The following SLC14A2 variants were observed in gnomAD, a reference collection of about 807,000 sequenced individuals.
SLC14A2 encodes urea transporter 2.
Under a neutral mutation model 104.6 loss-of-function variants are expected in SLC14A2, and 91 were observed. The ratio of observed to expected loss-of-function variants is 0.87; its 90% CI spans 0.73 to 1.04. The LOEUF (loss-of-function observed/expected upper bound fraction) is 1.04. Ranked by LOEUF, SLC14A2 falls within the 50% of genes least tolerant of loss-of-function variation. SLC14A2 has a pLI of 0.00. For synonymous variants in SLC14A2, 476 were observed against 466.4 expected (o/e 1.02, Z -0.27); for missense variants, 1,189 against 1,156.0 (o/e 1.03, Z -0.41).
chr18:45,363,617 G>C (rs2085637158), intron 1 of SLC14A2, among the ~76,000 whole-genome samples: 1 of 152,126 alleles, frequency 6.6e-6, no homozygotes, highest in African/African-American at 2.4e-5. Context: ...AAAAGAAGAG[G>C]GCAGGAAAGT....
intron 5 of SLC14A2, among the ~76,000 whole-genome samples, chr18:45,632,739 G>A (rs1231031305): frequency 2.6e-5 from 4 of 152,136 alleles, no homozygotes; most frequent in African/African-American, 7.2e-5. Flanking sequence ...GTGCAGTGGC[G>A]CAATCTCGGC....
chr18:45,174,742 G>T, the SLC14A2 span, among the ~76,000 whole-genome samples: 1 of 152,098 alleles, frequency 6.6e-6, no homozygotes, highest in Admixed American at 6.6e-5. Flanking sequence ...AGGGTAGCAG[G>T]GGACAGGAGA....
chr18:45,401,108 T>C (rs2086091118), intron 1 of SLC14A2, among the ~76,000 whole-genome samples: 1 of 152,200 alleles, frequency 6.6e-6, no homozygotes, highest in South Asian at 2.1e-4. Flanking sequence ...AAGATCTCAG[T>C]TGACTGAGCT....
upstream of SLC14A2, among the ~76,000 whole-genome samples, chr18:45,209,575 CTT>C (rs2083945658): frequency 6.6e-6 from 1 of 150,816 alleles, no homozygotes; most frequent in Admixed American, 6.6e-5. Flanking sequence ...AGTAAAGAAT[CTT>C]TTAGAATTTG....
rs545096513 is a variant in SLC14A2 at position 45,418,044 on chromosome 18, T to C, written c.-124-65189T>C. ...CTATTCAGGGAAATAGCACCATCCATCTCATGTCACATCCCTGCTCTTGTC... is the reference window on the plus strand; with the variant it reads ...CTATTCAGGGAAATAGCACCATCCACCTCATGTCACATCCCTGCTCTTGTC... On this transcript the variant is annotated intron_variant, in intron 1 of 20. Transcript: ENST00000586448. Among the ~76,000 whole-genome samples the C allele has an allele frequency of 2.6e-5, 4 of 152,326 alleles. 1 individual carries two copies. The South Asian group carries it at 8.3e-4, about 32-fold the overall frequency.
chr18:45,635,193 T>C (rs1370215789), intron 5 of SLC14A2, among the ~76,000 whole-genome samples: 1 of 152,176 alleles, frequency 6.6e-6, no homozygotes, highest in East Asian at 1.9e-4. Flanking sequence ...GTAGAGATGT[T>C]GTAAAGGCAA....
chr18:45,298,628 C>G (rs939516724), intron 1 of SLC14A2, among the ~76,000 whole-genome samples: 14 of 152,174 alleles, frequency 9.2e-5, no homozygotes, highest in African/African-American at 3.1e-4. Flanking sequence ...TGGCTTTCAA[C>G]TGAGGTTAGC....
rs35858797 is a variant in SLC14A2 at position 45,505,292 on chromosome 18, A to G, written c.-35+21970A>G. Among the ~76,000 whole-genome samples the G allele has an allele frequency of 3.0e-3, 456 of 152,066 alleles. 2 individuals carry two copies. Among genetic ancestry groups the G allele is most frequent in the Middle Eastern group, 0.01 (3 of 294 alleles). On this transcript the variant is annotated intron_variant, in intron 2 of 20. Coordinates refer to the SLC14A2 transcript ENST00000586448. ...GCAGGGATTGTCCCTCTGTCCTCCT[A>G]CCCCCTGCCACATCCTTGTGACAGC...
At chr18:45,635,187 A>G (rs2045400224) in intron 5 of SLC14A2, among the ~76,000 whole-genome samples, 1 of 152,230 alleles carries the variant, frequency 6.6e-6, no homozygotes, top group Non-Finnish European at 1.5e-5. Flanking sequence ...TTCCAAGTAG[A>G]GATGTTGTAA....
chr18:45,406,880 C>T (rs891385810), intron 1 of SLC14A2, among the ~76,000 whole-genome samples: 1 of 152,112 alleles, frequency 6.6e-6, no homozygotes, highest in Admixed American at 6.5e-5. Context: ...ATTCATTCAA[C>T]CATAACGTAA....
At chr18:45,551,528 C>G (rs1057408987) in intron 2 of SLC14A2, among the ~76,000 whole-genome samples, 60 of 152,176 alleles carry the variant, frequency 3.9e-4, no homozygotes, top group Non-Finnish European at 4.1e-4. Flanking sequence ...TGGGCCGGCC[C>G]TCGATGTCAG....
At chr18:45,265,512 C>A (rs1412797105) in intron 1 of SLC14A2, among the ~76,000 whole-genome samples, 1 of 152,120 alleles carries the variant, frequency 6.6e-6, no homozygotes, top group Admixed American at 6.6e-5. Context: ...TATTCATTTG[C>A]TTTGTGTCTG....
At chr18:45,610,900 A>G (rs574451866), upstream of SLC14A2, among the ~76,000 whole-genome samples, 1 of 152,350 alleles carries the variant, frequency 6.6e-6, no homozygotes, top group South Asian at 2.1e-4. Context: ...AGCATGACTT[A>G]GGGTCTTCTT....
At chr18:45,673,894 T>C in intron 18 of SLC14A2, 77 bp downstream of exon 18, 2 of 1,447,358 alleles carry the variant, frequency 1.4e-6, no homozygotes, top group Non-Finnish European at 1.9e-6. Flanking sequence ...TGTTTTTTAA[T>C]GGTTATTTAG....
chr18:45,556,753 A>AT (rs2044138297), intron 2 of SLC14A2, among the ~76,000 whole-genome samples: 1 of 152,264 alleles, frequency 6.6e-6, no homozygotes, highest in African/African-American at 2.4e-5. Context: ...CAATCTGTAT[A>AT]TAGCTAAATC....
At chr18:45,447,876 A>C (rs2086795445) in intron 1 of SLC14A2, among the ~76,000 whole-genome samples, 1 of 152,248 alleles carries the variant, frequency 6.6e-6, no homozygotes, top group South Asian at 2.1e-4. Flanking sequence ...TAATTAATTT[A>C]AAGAATTACC....
At chr18:45,628,305 G>A (rs750060921) in intron 4 of SLC14A2, among the ~76,000 whole-genome samples, 43 of 152,160 alleles carry the variant, frequency 2.8e-4, no homozygotes, top group Middle Eastern at 3.4e-3. Context: ...TTAGCTGGGC[G>A]TGGTGGCGCT....
chr18:45,389,313 C>T (rs1048497956), intron 1 of SLC14A2, among the ~76,000 whole-genome samples: 2 of 152,204 alleles, frequency 1.3e-5, no homozygotes, highest in Non-Finnish European at 2.9e-5. Flanking sequence ...TTCTCTATCT[C>T]ATAAATATGG....
At chr18:45,672,869 T>C (rs2046164102) in intron 16 of SLC14A2, 31 bp from the exon 17 acceptor site, 1 of 1,599,268 alleles carries the variant, frequency 6.3e-7, no homozygotes, top group Admixed American at 1.7e-5. Context: ...TTTGCCTCCA[T>C]AATGAGCATG....
Sources: allele counts gnomAD v4.1 joint callset (sites outside exome capture counted in the v4.1 genomes callset), GRCh38; gene constraint gnomAD v4.1.1; transcripts MANE v1.5; gene names NCBI Gene and HGNC (gene_info 2026-07-23, HGNC 2026-07-21).